MED15: variants seen among roughly 807,000 people sequenced by gnomAD.
The protein encoded by MED15 is mediator of RNA polymerase II transcription subunit 15.
A neutral mutation model predicts 118.7 loss-of-function variants in MED15; 41 were observed. The observed-to-expected ratio is 0.35, with a 90% confidence interval of 0.27 to 0.45. The LOEUF (loss-of-function observed/expected upper bound fraction) is 0.45. Ranked by LOEUF, MED15 falls within the 20% of genes least tolerant of loss-of-function variation. The pLI, the probability that MED15 is intolerant of heterozygous loss-of-function variation, is 1.00. For missense variants in MED15, 740 were observed against 1,025.5 expected (o/e 0.72, Z 3.80); for synonymous variants, 436 against 413.9 (o/e 1.05, Z -0.65).
At chr22:20,582,810 G>A (rs776279603) in intron 10 of MED15, 30 bp from the exon 11 acceptor site, 55 of 1,605,086 alleles carry the variant, frequency 3.4e-5, no homozygotes, top group Admixed American at 3.2e-4. Context: ...CCTGGACCCC[G>A]GCTCACATGT....
At chr22:20,575,350 G>T in intron 9 of MED15, 118 bp downstream of exon 9, 1 of 1,305,248 alleles carries the variant, frequency 7.7e-7, no homozygotes, top group Non-Finnish European at 1.0e-6. Flanking sequence ...GGCTTTCAGA[G>T]TGCCAAACCC....
At position 20,576,480 on chromosome 22, in the gene MED15, G is replaced by GC. The variant is rs141005721; in HGVS notation, c.1272+1253dup. 8.1e-4 allele frequency among the ~76,000 whole-genome samples: 123 copies of GC among 152,380 alleles called. 1 individual carries two copies. The highest frequency in any genetic ancestry group is 2.4e-3 in the African/African-American group (101 of 41,588). ...ACACACTGCCAAGAAAGTGGCCTGG[G>GC]CCCCCACTGGGGCATGTTTAGCTTT... On this transcript the variant is annotated intron_variant, in intron 9 of 17. Transcript: ENST00000263205.
At chr22:20,548,885 C>T (rs553364545) in intron 2 of MED15, among the ~76,000 whole-genome samples, 2 of 152,298 alleles carry the variant, frequency 1.3e-5, no homozygotes, top group East Asian at 3.9e-4. Flanking sequence ...CAGCTCATTG[C>T]AGCATTGATC....
chr22:20,587,384 G>A lies in MED15; in HGVS notation c.*680G>A, dbSNP rs1601661004. On this transcript the variant is annotated 3_prime_UTR_variant, in exon 18 of 18. Coordinates refer to ENST00000263205, the MANE Select transcript of MED15 (RefSeq NM_001003891.3). The stretch of plus-strand genomic sequence containing the variant: ...CCTGTGCCGCTGGCATGAGGGCCGT[G>A]TCCCCACTGTGAAGGATGAAGAGCA... 6.2e-6 allele frequency: 1 copy of A among 162,008 alleles called. No individual in the cohort carries two copies. The highest frequency in any genetic ancestry group is 1.8e-4 in the East Asian group (1 of 5,630). The allele number at this position is 162,008 out of a possible 1,614,324, so 10.0% of individuals were successfully genotyped here.
intron 5 of MED15, among the ~76,000 whole-genome samples, chr22:20,559,286 C>T (rs984072261): frequency 9.9e-5 from 15 of 151,774 alleles, no homozygotes; most frequent in Admixed American, 2.0e-4. Context: ...AATTATTGAA[C>T]GAAGAAAGTG....
chr22:20,568,955 C>T (rs1601607808), intron 8 of MED15, among the ~76,000 whole-genome samples: 2 of 152,194 alleles, frequency 1.3e-5, no homozygotes, highest in Admixed American at 1.3e-4. Flanking sequence ...CAGTTTTCTC[C>T]TCACCTCTCA....
intron 1 of MED15, among the ~76,000 whole-genome samples, chr22:20,515,142 C>T (rs2054203940): frequency 6.6e-6 from 1 of 152,188 alleles, no homozygotes. Context: ...GACTTGAGCC[C>T]TCAGTCATCT....
chr22:20,572,412 T>C (rs2146626267), intron 8 of MED15, among the ~76,000 whole-genome samples: 1 of 152,380 alleles, frequency 6.6e-6, no homozygotes, highest in East Asian at 1.9e-4. Flanking sequence ...AAGCCCATCT[T>C]AGAGCCGAAG....
chr22:20,566,202 G>A (rs540030203), intron 6 of MED15, among the ~76,000 whole-genome samples: 1 of 152,152 alleles, frequency 6.6e-6, no homozygotes, highest in South Asian at 2.1e-4. Flanking sequence ...ACCATGCCTG[G>A]CTAATTTTTG....
At chr22:20,526,350 T>C (rs1472602233) in intron 1 of MED15, among the ~76,000 whole-genome samples, 2 of 152,234 alleles carry the variant, frequency 1.3e-5, no homozygotes, top group South Asian at 2.1e-4. Context: ...TTCTAGGTAA[T>C]AGGCACATGC....
chr22:20,585,426 A>C, intron 16 of MED15, 159 bp downstream of exon 16: 2 of 1,013,510 alleles, frequency 2.0e-6, no homozygotes, highest in East Asian at 5.2e-5. Context: ...CGGGCTCCAG[A>C]CAGCCTGGCC....
chr22:20,581,894 G>A (rs963664765), intron 9 of MED15: 3 of 152,316 alleles, frequency 2.0e-5, no homozygotes, highest in Non-Finnish European at 4.4e-5. Flanking sequence ...CATACACACA[G>A]GGCCTCAGAG....
intron 1 of MED15, among the ~76,000 whole-genome samples, chr22:20,530,412 C>T (rs1412022383): frequency 6.6e-6 from 1 of 152,158 alleles, no homozygotes; most frequent in African/African-American, 2.4e-5. Context: ...GAGGAATCAT[C>T]CTGCCCCCCT....
intron 14 of MED15, 197 bp downstream of exon 14, chr22:20,584,622 C>G: frequency 1.2e-6 from 1 of 800,312 alleles, no homozygotes; most frequent in South Asian, 1.7e-5. Flanking sequence ...GTCTACGGCC[C>G]CCGTGGGTGC....
At chr22:20,542,199 C>G (rs948126489) in intron 2 of MED15, among the ~76,000 whole-genome samples, 2 of 152,270 alleles carry the variant, frequency 1.3e-5, no homozygotes, top group African/African-American at 4.8e-5. Flanking sequence ...ACCATACGAC[C>G]CAGAAGTTTC....
intron 9 of MED15, 23 bp from the exon 10 acceptor site, chr22:20,582,588 C>A (rs755550495): frequency 1.3e-6 from 2 of 1,538,328 alleles, no homozygotes; most frequent in African/African-American, 1.4e-5. Context: ...GGCAGCGCGC[C>A]GGCTGAGCCC....
At chr22:20,510,105 A>G (rs111354787) in intron 1 of MED15, among the ~76,000 whole-genome samples, 6,509 of 152,198 alleles carry the variant, frequency 0.043, 475 homozygotes, top group African/African-American at 0.15. Context: ...ACACACCTTT[A>G]GCCAGGTGTG....
chr22:20,574,130 T>A (rs1401285599), intron 8 of MED15: 1 of 152,270 alleles, frequency 6.6e-6, no homozygotes, highest in African/African-American at 2.4e-5. Flanking sequence ...TGGCAGCACC[T>A]CCTGGAGCTT....
rs756263873 is a variant in MED15, at chr22:20,566,811, G to A, written c.1035G>A (p.Leu345=). The change falls in exon 7 of 18, where the codon CTG becomes CTA. Residue 345 remains leucine (L), a synonymous_variant. Transcript: ENST00000263205. ...PGQMLYTQPP[L]KFVRAPMVVQ... is the part of the protein sequence containing the mutation. ...AAATGTTGTATACCCAACCACCACT[G>A]AAATTTGTGAGTACCTGTGGCCCAC... 7.4e-6 allele frequency: 12 copies of A among 1,612,996 alleles called. No individual in the cohort carries two copies. Among genetic ancestry groups the A allele is most frequent in the African/African-American group, 1.3e-5 (1 of 74,940 alleles).
Sources: gnomAD v4.1 joint callset for allele counts (sites outside exome capture counted in the v4.1 genomes callset) on GRCh38, gnomAD v4.1.1 for gene constraint, MANE v1.5 for transcripts, NCBI Gene and HGNC (gene_info 2026-07-23, HGNC 2026-07-21) for gene names.